The following TSPAN33 variants were observed in gnomAD, a reference collection of about 807,000 sequenced individuals.
TSPAN33 encodes tetraspanin-33.
In TSPAN33, 27 loss-of-function variants were observed where a neutral mutation model predicts 34.8. That is an observed-to-expected ratio of 0.78 (90% CI 0.57 to 1.07). The LOEUF is 1.07. TSPAN33 is among the 50% of genes least tolerant of loss of function. TSPAN33 has a pLI of 0.00. For synonymous variants in TSPAN33, 119 were observed against 124.2 expected (o/e 0.96, Z 0.28); for missense variants, 272 against 324.9 (o/e 0.84, Z 1.25).
chr7:129,166,270 C>CTGAG, intron 5 of TSPAN33, among the ~76,000 whole-genome samples: 1 of 152,284 alleles, frequency 6.6e-6, no homozygotes, highest in East Asian at 1.9e-4. Context: ...AAAAGTGCTT[C>CTGAG]TGAGACAAGT....
chr7:129,167,919 T>G lies in TSPAN33; in HGVS notation c.*45T>G. The G allele has an allele frequency of 1.2e-6, 2 of 1,604,486 alleles. No individual in the cohort carries two copies. Among genetic ancestry groups the G allele is most frequent in the Non-Finnish European group, 1.7e-6 (2 of 1,175,756 alleles). On this transcript the variant is annotated 3_prime_UTR_variant, in exon 8 of 8. Transcript: ENST00000486685. The surrounding 1 kb of genome is among the most constrained non-coding windows in gnomAD (Gnocchi z 4.6). ...TCACCATGGAAACTGGCAAGCCTCA[T>G]AAACGAACAGCAGTGGGTGCTGAAA... is the stretch of plus-strand genomic sequence containing the variant.
chr7:129,161,819 T>G, intron 2 of TSPAN33, 83 bp downstream of exon 2: 4 of 1,566,202 alleles, frequency 2.6e-6, no homozygotes, highest in Non-Finnish European at 2.6e-6. Flanking sequence ...CCCTCACACA[T>G]AAGCTATGGG....
intron 1 of TSPAN33, among the ~76,000 whole-genome samples, chr7:129,160,701 T>A (rs893873316): frequency 6.6e-6 from 1 of 152,256 alleles, no homozygotes; most frequent in African/African-American, 2.4e-5. Flanking sequence ...CACACAGTCC[T>A]TCACATTGGA....
chr7:129,161,705 G>A lies in TSPAN33; in HGVS notation c.129G>A (p.Val43=). Residue 43 remains valine, a synonymous_variant, in exon 2 of 8, where the codon GTG becomes GTA. Coordinates refer to ENST00000486685, the MANE Select transcript of TSPAN33 (RefSeq NM_178562.5). The part of the protein sequence containing the change: ...FWVISMVMVA[V]GVYARLMKHA... Reference sequence around the variant, plus strand: ...TGATTTCCATGGTGATGGTGGCTGTGGGTGTCTACGCTCGGCTAATGAAGC... The same window carrying A: ...TGATTTCCATGGTGATGGTGGCTGTAGGTGTCTACGCTCGGCTAATGAAGC... The A allele has an allele frequency of 6.2e-7, 1 of 1,614,192 alleles. No homozygotes were observed. The highest frequency in any genetic ancestry group is 2.2e-5 in the East Asian group (1 of 44,892).
intron 1 of TSPAN33, among the ~76,000 whole-genome samples, chr7:129,152,312 G>C (rs539011482): frequency 5.9e-5 from 9 of 152,318 alleles, no homozygotes; most frequent in African/African-American, 1.9e-4. Flanking sequence ...GCAGCCAAAA[G>C]GTGGGAGCAA....
At chr7:129,145,242 C>T (rs1246318251) in intron 1 of TSPAN33, among the ~76,000 whole-genome samples, 160 bp downstream of exon 1, 1 of 151,862 alleles carries the variant, frequency 6.6e-6, no homozygotes, top group South Asian at 2.1e-4. Context: ...GGGGACGCCG[C>T]GTCTGCAGGG....
chr7:129,145,052 C>G lies in TSPAN33; in HGVS notation c.72C>G (p.Tyr24Ter). ...EFSFVSPLVK[Y>*]LLFFFNMLFW... is the part of the protein sequence containing the mutation. ...CCTTCGTCAGCCCGCTGGTGAAATA[C>G]CTGCTCTTCTTCTTCAACATGCTCT... The change falls in exon 1 of 8, where the codon TAC becomes TAG. Residue 24 changes from tyrosine (Y) to a stop codon, truncating the protein, a stop_gained. Transcript: ENST00000486685. LOFTEE classifies it high-confidence loss of function. 1.4e-6 allele frequency: 1 copy of G among 733,008 alleles called. No homozygotes were observed. Among genetic ancestry groups the G allele is most frequent in the Non-Finnish European group, 2.5e-6 (1 of 396,374 alleles). 45.4% of individuals were successfully genotyped at this position (733,008 alleles called of 1,614,324 possible). A position where few individuals can be genotyped will look rare whatever the true frequency, so the allele number is the denominator to read the frequency against.
chr7:129,148,044 G>C lies in TSPAN33; in HGVS notation c.102+2962G>C, dbSNP rs1810543959. On this transcript the variant is annotated intron_variant, in intron 1 of 7. Transcript: ENST00000486685. The surrounding 1 kb of genome is among the most constrained non-coding windows in gnomAD (Gnocchi z 4.2). ...CTAGATGTTGCATTTAAATCAGTTA[G>C]GGTGGCTACAGAGCAGCTGCCTCTC... Among the ~76,000 whole-genome samples, 1 of 152,290 alleles carries C rather than the reference G, an allele frequency of 6.6e-6. No individual in the cohort carries two copies. The highest frequency in any genetic ancestry group is 1.9e-4 in the East Asian group (1 of 5,190).
chr7:129,146,328 A>C (rs773939836), intron 1 of TSPAN33, among the ~76,000 whole-genome samples: 2 of 152,120 alleles, frequency 1.3e-5, no homozygotes, highest in Non-Finnish European at 2.9e-5. Flanking sequence ...CAGCCATCCT[A>C]CTCCTGGGGA....
Position 129,167,940 on chromosome 7 carries a change from T to C in TSPAN33, c.*66T>C. On this transcript the variant is annotated 3_prime_UTR_variant, in exon 8 of 8. Transcript: ENST00000486685. This position sits in a 1 kb window ranked among gnomAD's most constrained non-coding sequence, Gnocchi z 4.6. ...CTCATAAACGAACAGCAGTGGGTGCTGAAAGCAGCACCAAATGGAGATTTG... is the reference window on the plus strand; with the variant it reads ...CTCATAAACGAACAGCAGTGGGTGCCGAAAGCAGCACCAAATGGAGATTTG... 6.3e-7 allele frequency: 1 copy of C among 1,577,358 alleles called. No homozygotes were observed. Among genetic ancestry groups the C allele is most frequent in the Admixed American group, 1.8e-5 (1 of 54,504 alleles).
chr7:129,156,631 C>A (rs1023804841), intron 1 of TSPAN33, among the ~76,000 whole-genome samples: 10 of 152,090 alleles, frequency 6.6e-5, no homozygotes, highest in African/African-American at 2.4e-4. Flanking sequence ...ATTGTTCTAG[C>A]CTTGGCCATT....
chr7:129,161,309 A>T (rs915673593), intron 1 of TSPAN33, among the ~76,000 whole-genome samples: 2 of 152,180 alleles, frequency 1.3e-5, no homozygotes, highest in Non-Finnish European at 2.9e-5. Context: ...CAAACTCCTG[A>T]CCTCAAGTTG....
chr7:129,166,579 TA>T (rs1304137830), intron 5 of TSPAN33, 198 bp from the exon 6 acceptor site: 2 of 565,946 alleles, frequency 3.5e-6, no homozygotes, highest in East Asian at 6.2e-5. Flanking sequence ...ATATACGAAG[TA>T]ATAGAAATTA....
intron 1 of TSPAN33, among the ~76,000 whole-genome samples, chr7:129,151,293 AT>A (rs914180362): frequency 3.3e-5 from 5 of 150,860 alleles, no homozygotes; most frequent in Non-Finnish European, 4.4e-5. Flanking sequence ...TGCCCAGCTA[AT>A]TTTTTTTTAG....
At chr7:129,149,676 C>T (rs1426826231) in intron 1 of TSPAN33, among the ~76,000 whole-genome samples, 1 of 11,990 alleles carries the variant, frequency 8.3e-5, no homozygotes, top group Non-Finnish European at 2.8e-4. Context: ...TGCAGACCTC[C>T]CTTCCTCTTT....
At chr7:129,153,059 CAAAAAAAAAAA>C (rs35432172) in intron 1 of TSPAN33, among the ~76,000 whole-genome samples, 2 of 82,492 alleles carry the variant, frequency 2.4e-5, no homozygotes, top group Non-Finnish European at 2.3e-5. Flanking sequence ...AACTCCGTCT[CAAAAAAAAAAA>C]AAAAAAAAAA....
Position 129,164,526 on chromosome 7 carries a change from A to G in TSPAN33, c.416A>G (p.Asp139Gly), listed in dbSNP as rs758655065. 2 of 1,614,078 alleles carry G rather than the reference A, an allele frequency of 1.2e-6. No homozygotes were observed. The highest frequency in any genetic ancestry group is 2.2e-5 in the South Asian group (2 of 91,078). ...IINNAIVHYRDDLDLQNLIDF... is the reference protein window; with the variant it reads ...IINNAIVHYRGDLDLQNLIDF... ...AACAATGCCATTGTGCACTACCGAG[A>G]TGACTTGGATCTGCAGAACCTCATT... The change falls in exon 5 of 8, where the codon GAT becomes GGT. Residue 139 changes from aspartate (D) to glycine (G), a missense_variant. Transcript: ENST00000486685.
chr7:129,149,979 A>C (rs940869848), intron 1 of TSPAN33, among the ~76,000 whole-genome samples: 1 of 152,216 alleles, frequency 6.6e-6, no homozygotes, highest in African/African-American at 2.4e-5. Flanking sequence ...CTTCATCCAG[A>C]TATAAGGGTA....
At chr7:129,154,711 AG>A (rs1177342381) in intron 1 of TSPAN33, among the ~76,000 whole-genome samples, 6 of 152,246 alleles carry the variant, frequency 3.9e-5, no homozygotes, top group Non-Finnish European at 8.8e-5. Flanking sequence ...ATTGCACTGC[AG>A]CCTGGGCAAC....
Sources: allele counts gnomAD v4.1 joint callset (sites outside exome capture counted in the v4.1 genomes callset), GRCh38; gene constraint gnomAD v4.1.1; non-coding constraint Gnocchi (gnomAD v3.1); transcripts MANE v1.5; gene names NCBI Gene and HGNC (gene_info 2026-07-23, HGNC 2026-07-21).